GPATCH2L: variants seen among roughly 807,000 people sequenced by gnomAD.
The protein encoded by GPATCH2L is G patch domain-containing protein 2-like.
Under a neutral mutation model 57.4 loss-of-function variants are expected in GPATCH2L, and 31 were observed. The observed-to-expected ratio is 0.54, with a 90% CI of 0.41 to 0.73. The LOEUF (loss-of-function observed/expected upper bound fraction) is 0.73, where lower values mean the gene tolerates loss of function less well. Ranked by LOEUF, GPATCH2L falls within the 30% of genes least tolerant of loss-of-function variation. GPATCH2L has a pLI of 0.00. For missense variants in GPATCH2L, 481 were observed against 599.9 expected (o/e 0.80, Z 2.07); for synonymous variants, 199 against 210.7 (o/e 0.94, Z 0.48).
chr14:76,190,047 A>G (rs1179390530), intron 8 of GPATCH2L, among the ~76,000 whole-genome samples: 1 of 152,098 alleles, frequency 6.6e-6, no homozygotes, highest in Non-Finnish European at 1.5e-5. Context: ...TTCCAAATCT[A>G]ACGCAGTCAC....
intron 8 of GPATCH2L, among the ~76,000 whole-genome samples, chr14:76,194,895 C>T (rs1178570704): frequency 2.6e-5 from 4 of 151,896 alleles, no homozygotes; most frequent in African/African-American, 4.8e-5. Flanking sequence ...GTGCCTTGAG[C>T]CAAGGTTGGT....
rs2040425964 is a variant in GPATCH2L, at chr14:76,210,291, G to A, written c.*8440G>A. The A allele has an allele frequency of 6.6e-6, 1 of 152,178 alleles. No homozygotes were observed. Among genetic ancestry groups the A allele is most frequent in the African/African-American group, 2.4e-5 (1 of 41,440 alleles). 9.4% of individuals were successfully genotyped at this position (152,178 alleles called of 1,614,324 possible). A position where few individuals can be genotyped will look rare whatever the true frequency, so the allele number is the denominator to read the frequency against. Reference sequence around the variant, plus strand: ...TACAGTTACAGACAAACTTGCTCGAGTCACATATCTATTAAGTGTCAGTCA... The same window carrying A: ...TACAGTTACAGACAAACTTGCTCGAATCACATATCTATTAAGTGTCAGTCA... On this transcript the variant is annotated 3_prime_UTR_variant, in exon 10 of 10. Coordinates refer to ENST00000261530, the MANE Select transcript of GPATCH2L (RefSeq NM_017926.4).
At chr14:76,221,923 C>T (rs76599213) in intron 1 of GPATCH2L, among the ~76,000 whole-genome samples, 3,374 of 152,144 alleles carry the variant, frequency 0.022, 75 homozygotes, top group South Asian at 0.077. Context: ...TTATCAAAAC[C>T]CATAGAATGT....
intron 2 of GPATCH2L, among the ~76,000 whole-genome samples, chr14:76,232,305 CT>C (rs898706027): frequency 4.6e-5 from 7 of 151,466 alleles, no homozygotes; most frequent in South Asian, 2.1e-4. Context: ...TGTTCCCAGG[CT>C]TTTTTTTTCT....
chr14:76,196,348 A>C, intron 9 of GPATCH2L: 19 of 436,824 alleles, frequency 4.3e-5, no homozygotes, highest in South Asian at 4.3e-4. Flanking sequence ...AGTACAGTAC[A>C]TTCTTACTGC....
intron 1 of GPATCH2L, among the ~76,000 whole-genome samples, chr14:76,220,536 A>G (rs1370692069): frequency 1.3e-5 from 2 of 152,230 alleles, no homozygotes; most frequent in African/African-American, 2.4e-5. Flanking sequence ...ACCTGATAGT[A>G]CAAGTAGTGA....
At chr14:76,235,168 CAAA>C (rs34157061) in intron 2 of GPATCH2L, among the ~76,000 whole-genome samples, 6 of 98,720 alleles carry the variant, frequency 6.1e-5, no homozygotes, top group Admixed American at 1.0e-4. Context: ...AACTCTGTCT[CAAA>C]AAAAAAAAAA....
intron 8 of GPATCH2L, among the ~76,000 whole-genome samples, chr14:76,186,840 C>T (rs1244715186): frequency 6.6e-6 from 1 of 152,136 alleles, no homozygotes; most frequent in Non-Finnish European, 1.5e-5. Context: ...CGGCATGAAA[C>T]AGCTTCATAG....
rs1396218949 is a variant in GPATCH2L, at chr14:76,154,546, C to T, written c.183C>T (p.Tyr61=). The T allele has an allele frequency of 1.2e-6, 2 of 1,614,226 alleles. No individual in the cohort carries two copies. The highest frequency in any genetic ancestry group is 2.7e-5 in the African/African-American group (2 of 75,046). ...ACCTGGCAGAGCATACCTGCTGCTA[C>T]AGCGAGGCCTCTGAGTCAAGTCTGG... The part of the protein sequence containing the change: ...FTHLAEHTCC[Y]SEASESSLDE... Residue 61 remains tyrosine (Y), a synonymous_variant, in exon 2 of 10, where the codon TAC becomes TAT. Transcript: ENST00000261530. This position sits in a 1 kb window ranked among gnomAD's most constrained non-coding sequence, Gnocchi z 4.4.
intron 5 of GPATCH2L, 148 bp from the exon 6 acceptor site, chr14:76,176,475 T>C: frequency 1.6e-6 from 1 of 625,084 alleles, no homozygotes; most frequent in South Asian, 1.9e-5. Flanking sequence ...TAAAAAGAAG[T>C]ATAGTTGCTG....
intron 6 of GPATCH2L, chr14:76,177,779 C>A: frequency 1.6e-6 from 1 of 614,626 alleles, no homozygotes. Flanking sequence ...TTTCTCTATT[C>A]CCTTCTTTGT....
chr14:76,177,107 A>G (rs1024355311), intron 6 of GPATCH2L, among the ~76,000 whole-genome samples: 3 of 152,050 alleles, frequency 2.0e-5, no homozygotes, highest in Admixed American at 6.6e-5. Context: ...GTGCAGTGGC[A>G]GAGTCATGGC....
At chr14:76,167,641 G>A (rs1028972846) in intron 3 of GPATCH2L, among the ~76,000 whole-genome samples, 1 of 152,190 alleles carries the variant, frequency 6.6e-6, no homozygotes, top group Non-Finnish European at 1.5e-5. Context: ...TAGGCATAGA[G>A]GCAGTTTATC....
chr14:76,226,124 A>G (rs2040535422), intron 1 of GPATCH2L, among the ~76,000 whole-genome samples: 1 of 152,218 alleles, frequency 6.6e-6, no homozygotes, highest in African/African-American at 2.4e-5. Flanking sequence ...CCCCATAGAA[A>G]CATACATACA....
At chr14:76,162,688 G>C (rs2038649075) in intron 2 of GPATCH2L, among the ~76,000 whole-genome samples, 1 of 152,118 alleles carries the variant, frequency 6.6e-6, no homozygotes, top group African/African-American at 2.4e-5. Context: ...TTTTTACTTT[G>C]ATTTCAAAGG....
In GPATCH2L at chr14:76,173,612, G is replaced by C; in HGVS notation, c.971G>C (p.Arg324Thr). 6.2e-7 allele frequency: 1 copy of C among 1,607,778 alleles called. No homozygotes were observed. Residue 324 changes from arginine to threonine, a missense_variant, in exon 5 of 10, where the codon AGG (arginine) becomes ACG (threonine). Transcript: ENST00000261530. ...CGATGCCTCAGAAAGGGGCGAAGAA[G>C]GCTGGTTGGGAAGGTGATACCTCTC... is the stretch of plus-strand genomic sequence containing the variant. ...AARCLRKGRR[R>T]LVGKETSINT...
intron 8 of GPATCH2L, among the ~76,000 whole-genome samples, chr14:76,191,478 C>G (rs1213895914): frequency 6.6e-6 from 1 of 152,032 alleles, no homozygotes; most frequent in African/African-American, 2.4e-5. Context: ...CCTGCCAACC[C>G]CACATGTAAT....
At chr14:76,231,690 T>C (rs2040562893) in intron 2 of GPATCH2L, among the ~76,000 whole-genome samples, 1 of 151,456 alleles carries the variant, frequency 6.6e-6, no homozygotes, top group East Asian at 1.9e-4. Context: ...ATTAGCGTAT[T>C]GTAGACCATT....
chr14:76,219,005 CAAAAAAA>C (rs572896740), downstream of GPATCH2L, among the ~76,000 whole-genome samples: 3 of 73,780 alleles, frequency 4.1e-5, no homozygotes, highest in African/African-American at 9.0e-5. Flanking sequence ...TCTAAAAGTA[CAAAAAAA>C]AAAAAAAAAA....
Sources: gnomAD v4.1 joint callset for allele counts (sites outside exome capture counted in the v4.1 genomes callset) on GRCh38, gnomAD v4.1.1 for gene constraint, Gnocchi (gnomAD v3.1) non-coding constraint, MANE v1.5 for transcripts, NCBI Gene and HGNC (gene_info 2026-07-23, HGNC 2026-07-21) for gene names.